Variants in ACAA2 observed in about 807,000 individuals in gnomAD.
ACAA2 encodes acetyl-CoA acyltransferase 2.
ACAA2 carries 35 observed loss-of-function variants against 44.8 expected under a neutral mutation model. The observed-to-expected ratio is 0.78, with a 90% CI of 0.60 to 1.04. The LOEUF (loss-of-function observed/expected upper bound fraction) is 1.04. Ranked by LOEUF, ACAA2 falls within the 50% of genes least tolerant of loss-of-function variation. The pLI, the probability that ACAA2 is intolerant of heterozygous loss-of-function variation, is 0.00. For synonymous variants in ACAA2, 142 were observed against 166.5 expected (o/e 0.85, Z 1.13); for missense variants, 468 against 482.6 (o/e 0.97, Z 0.28).
intron 1 of ACAA2, among the ~76,000 whole-genome samples, chr18:49,806,943 A>G (rs1334301856): frequency 6.6e-6 from 1 of 152,056 alleles, no homozygotes; most frequent in Non-Finnish European, 1.5e-5. Flanking sequence ...TGAAGAACAG[A>G]TGAAAAAAAA....
chr18:49,805,376 A>G (rs1226457074), intron 1 of ACAA2, among the ~76,000 whole-genome samples: 1 of 152,238 alleles, frequency 6.6e-6, no homozygotes, highest in African/African-American at 2.4e-5. Context: ...ACTATAATTT[A>G]GAACAGATCC....
chr18:49,806,459 C>T lies in ACAA2; in HGVS notation c.17-3606G>A, dbSNP rs539285324. ...CTACAAGGGGAGACATAGTTTATCA[C>T]GGGGGTGCATGGGGGTGATTTTGTA... On this transcript the variant is annotated intron_variant, in intron 1 of 9. Coordinates refer to ENST00000285093, the MANE Select transcript of ACAA2 (RefSeq NM_006111.3). Among the ~76,000 whole-genome samples, 29 of 152,242 alleles carry T rather than the reference C, an allele frequency of 1.9e-4. No homozygotes were observed. In the South Asian group the frequency reaches 5.4e-3, roughly 28 times the overall value.
At chr18:49,798,813 C>T (rs574279431) in intron 2 of ACAA2, among the ~76,000 whole-genome samples, 158 of 151,982 alleles carry the variant, frequency 1.0e-3, no homozygotes, top group Non-Finnish European at 1.8e-3. Context: ...AAATTCTTGG[C>T]CAATGGATAT....
At chr18:49,791,446 C>T in intron 7 of ACAA2, 24 bp downstream of exon 7, 1 of 1,598,762 alleles carries the variant, frequency 6.3e-7, no homozygotes, top group Non-Finnish European at 8.5e-7. Context: ...ATTATAGAAC[C>T]AGTTTGTTTT....
intron 2 of ACAA2, among the ~76,000 whole-genome samples, chr18:49,799,818 C>T (rs1358229828): frequency 6.7e-6 from 1 of 148,674 alleles, no homozygotes; most frequent in East Asian, 2.0e-4. Flanking sequence ...AGGAGCGTCT[C>T]TGCCCGGCCG....
chr18:49,783,527 G>T lies in ACAA2; in HGVS notation c.*320C>A. On this transcript the variant is annotated 3_prime_UTR_variant, in exon 10 of 10. Coordinates refer to ENST00000285093, the MANE Select transcript of ACAA2 (RefSeq NM_006111.3). Reference sequence around the variant, plus strand: ...ACTGAAGTTAAGGCAACATTTATTTGATTTCCTTATAATCATATTATCTAA... The same window carrying T: ...ACTGAAGTTAAGGCAACATTTATTTTATTTCCTTATAATCATATTATCTAA... 1 of 202,334 alleles carries T rather than the reference G, an allele frequency of 4.9e-6. No homozygotes were observed. The highest frequency in any genetic ancestry group is 1.0e-5 in the Non-Finnish European group (1 of 99,460). 12.5% of individuals were successfully genotyped at this position (202,334 alleles called of 1,614,324 possible). A position where few individuals can be genotyped will look rare whatever the true frequency, so the allele number is the denominator to read the frequency against.
rs2023286498 is a variant in ACAA2 at position 49,783,182 on chromosome 18, A to C, written c.*665T>G. ...GAATCTTGAGAACATTATATAAAGT[A>C]AAGTAAAATAAGCCAGTCACGAAAG... On this transcript the variant is annotated 3_prime_UTR_variant, in exon 10 of 10. Transcript: ENST00000285093. 6.6e-6 allele frequency: 1 copy of C among 152,298 alleles called. No individual in the cohort carries two copies. The highest frequency in any genetic ancestry group is 6.5e-5 in the Admixed American group (1 of 15,280). 9.4% of individuals were successfully genotyped at this position (152,298 alleles called of 1,614,324 possible). A position where few individuals can be genotyped will look rare whatever the true frequency, so the allele number is the denominator to read the frequency against.
Position 49,785,194 on chromosome 18 carries a change from T to G in ACAA2, c.1109+3A>C. ...CTGAAATGCAGCTATTTCTAGCAAA[T>G]ACCTTAATTCGTGAACCAGGTGTGC... On this transcript the variant is annotated splice_donor_region_variant and intron_variant, in intron 9 of 9. Coordinates refer to ENST00000285093, the MANE Select transcript of ACAA2 (RefSeq NM_006111.3). The G allele has an allele frequency of 6.2e-7, 1 of 1,607,582 alleles. No homozygotes were observed. The highest frequency in any genetic ancestry group is 8.5e-7 in the Non-Finnish European group (1 of 1,177,956).
At chr18:49,785,614 G>A in intron 8 of ACAA2, 1 of 430,590 alleles carries the variant, frequency 2.3e-6, no homozygotes, top group Non-Finnish European at 4.1e-6. Context: ...AGACACAGTG[G>A]GATACTGTAG....
chr18:49,801,616 C>A (rs543330476), intron 2 of ACAA2, among the ~76,000 whole-genome samples: 3 of 151,762 alleles, frequency 2.0e-5, no homozygotes, highest in Admixed American at 6.6e-5. Flanking sequence ...AGATACACAA[C>A]GGCAAGATGA....
intron 8 of ACAA2, chr18:49,785,555 T>A: frequency 3.5e-6 from 2 of 571,014 alleles, no homozygotes; most frequent in Non-Finnish European, 6.1e-6. Context: ...TTTAGTCAAA[T>A]GCATCCCTTA....
chr18:49,792,245 G>T lies in ACAA2; in HGVS notation c.660C>A (p.Asp220Glu). The stretch of plus-strand genomic sequence containing the variant: ...GGGTGGTTTGGGGCCGAGCATGCTC[G>T]TCTACCTGCATTGTCTGTTTTCCTT... ...TKKGKQTMQV[D>E]EHARPQTTLE... Residue 220 changes from aspartate to glutamate, a missense_variant, in exon 6 of 10, where the codon GAC becomes GAA. Asp to Glu is a conservative substitution (Grantham distance 45). Coordinates refer to ENST00000285093, the MANE Select transcript of ACAA2 (RefSeq NM_006111.3). The T allele has an allele frequency of 6.2e-7, 1 of 1,613,798 alleles. No individual in the cohort carries two copies. The highest frequency in any genetic ancestry group is 2.2e-5 in the East Asian group (1 of 44,884).
At chr18:49,805,726 G>A (rs1021901921) in intron 1 of ACAA2, among the ~76,000 whole-genome samples, 16 of 151,654 alleles carry the variant, frequency 1.1e-4, no homozygotes, top group African/African-American at 3.9e-4. Context: ...ACAGGCATGT[G>A]CCACCACACC....
At position 49,783,294 on chromosome 18, in the gene ACAA2, G is replaced by C. The variant is rs2023287608; in HGVS notation, c.*553C>G. 1 of 152,288 alleles carries C rather than the reference G, an allele frequency of 6.6e-6. No individual in the cohort carries two copies. The highest frequency in any genetic ancestry group is 2.1e-4 in the South Asian group (1 of 4,832). The allele number at this position is 152,288 out of a possible 1,614,324, so 9.4% of individuals were successfully genotyped here. A position where few individuals can be genotyped will look rare whatever the true frequency, so the allele number is the denominator to read the frequency against. On this transcript the variant is annotated 3_prime_UTR_variant, in exon 10 of 10. Coordinates refer to ENST00000285093, the MANE Select transcript of ACAA2 (RefSeq NM_006111.3). ...TACACTGGTGGTTGTCAGGGGATGG[G>C]GGATGGGAGAATCAGGAGTTATTGT...
intron 7 of ACAA2, 37 bp from the exon 8 acceptor site, chr18:49,787,398 A>AGATTTTT: frequency 7.8e-7 from 1 of 1,288,118 alleles, no homozygotes; most frequent in Non-Finnish European, 1.0e-6. Flanking sequence ...AAAATATAGA[A>AGATTTTT]ATAAATGTCA....
intron 5 of ACAA2, among the ~76,000 whole-genome samples, chr18:49,793,007 C>CT (rs1362715562): frequency 1.3e-5 from 2 of 152,036 alleles, no homozygotes; most frequent in Non-Finnish European, 2.9e-5. Context: ...ACTGCTAAGA[C>CT]TGTTAGCAGC....
intron 1 of ACAA2, among the ~76,000 whole-genome samples, chr18:49,812,035 T>C (rs1426197407): frequency 6.6e-6 from 1 of 152,230 alleles, no homozygotes; most frequent in East Asian, 1.9e-4. Flanking sequence ...TTTTAGAAGA[T>C]AGCTCATGAC....
intron 4 of ACAA2, among the ~76,000 whole-genome samples, chr18:49,795,391 G>T (rs563151149): frequency 6.6e-6 from 1 of 152,126 alleles, no homozygotes; most frequent in African/African-American, 2.4e-5. Flanking sequence ...TATAAGTCAC[G>T]TTAAAGATTT....
chr18:49,784,695 T>C (rs1004097583), intron 9 of ACAA2, among the ~76,000 whole-genome samples: 5 of 150,804 alleles, frequency 3.3e-5, no homozygotes, highest in African/African-American at 1.2e-4. Flanking sequence ...TCTGGTACTA[T>C]CTATCAAAAC....
Sources: allele counts gnomAD v4.1 joint callset (sites outside exome capture counted in the v4.1 genomes callset), GRCh38; gene constraint gnomAD v4.1.1; transcripts MANE v1.5; gene names NCBI Gene and HGNC (gene_info 2026-07-23, HGNC 2026-07-21).